ITPR1: variants seen among roughly 807,000 people sequenced by gnomAD.
The protein encoded by ITPR1 is inositol 1,4,5-trisphosphate receptor type 1, also known as inositol 1,4,5-trisphosphate-gated calcium channel ITPR1.
Under a neutral mutation model 318.4 loss-of-function variants are expected in ITPR1, and 96 were observed. That is an observed-to-expected ratio of 0.30 (90% CI 0.26 to 0.36). The LOEUF (loss-of-function observed/expected upper bound fraction) is 0.36, where lower values mean the gene tolerates loss of function less well. Ranked by LOEUF, ITPR1 falls within the 10% of genes least tolerant of loss-of-function variation. ITPR1 has a pLI of 1.00. For synonymous variants in ITPR1, 1,312 were observed against 1,289.9 expected (o/e 1.02, Z -0.37); for missense variants, 2,440 against 3,460.2 (o/e 0.71, Z 7.40).
At chr3:4,768,948 C>T (rs2046004643) in intron 46 of ITPR1, among the ~76,000 whole-genome samples, 184 bp downstream of exon 46, 1 of 149,648 alleles carries the variant, frequency 6.7e-6, no homozygotes. Flanking sequence ...CTCGCTCTGT[C>T]ACCCAGGCTG....
intron 34 of ITPR1, among the ~76,000 whole-genome samples, 197 bp downstream of exon 34, chr3:4,697,469 T>TTTTTTTTTTTTTTTTA (rs1559719610): frequency 1.3e-5 from 2 of 149,102 alleles, no homozygotes; most frequent in Non-Finnish European, 3.0e-5. Context: ...TTTTTTTTTT[T>TTTTTTTTTTTTTTTTA]GAGCTGGAGT....
chr3:4,772,904 G>T (rs1191152075), intron 46 of ITPR1, among the ~76,000 whole-genome samples: 1 of 152,258 alleles, frequency 6.6e-6, no homozygotes, highest in Non-Finnish European at 1.5e-5. Context: ...GGCAGCCATT[G>T]TCTTCATGGG....
At chr3:4,549,936 AG>A (rs2085391759) in intron 4 of ITPR1, among the ~76,000 whole-genome samples, 1 of 152,236 alleles carries the variant, frequency 6.6e-6, no homozygotes, top group Non-Finnish European at 1.5e-5. Flanking sequence ...TGAAAAGCCA[AG>A]GGTGGTTTGT....
chr3:4,501,390 A>G (rs1297570009), intron 2 of ITPR1, among the ~76,000 whole-genome samples: 1 of 152,224 alleles, frequency 6.6e-6, no homozygotes, highest in South Asian at 2.1e-4. Flanking sequence ...GACCAGCGTT[A>G]CTGACATTAA....
At chr3:4,507,126 C>T (rs1186750630) in intron 2 of ITPR1, among the ~76,000 whole-genome samples, 3 of 141,002 alleles carry the variant, frequency 2.1e-5, no homozygotes, top group Non-Finnish European at 4.6e-5. Flanking sequence ...TTGCGAATCA[C>T]TTTGAGGTCT....
At chr3:4,580,678 A>G (rs11717970) in intron 4 of ITPR1, among the ~76,000 whole-genome samples, 27,735 of 152,058 alleles carry the variant, frequency 0.18, 3,140 homozygotes, top group African/African-American at 0.32. Context: ...CCTTACCCCC[A>G]ACCTCTTGCA....
At chr3:4,541,970 A>G (rs957880344) in intron 4 of ITPR1, among the ~76,000 whole-genome samples, 6 of 152,234 alleles carry the variant, frequency 3.9e-5, no homozygotes, top group African/African-American at 7.2e-5. Context: ...TCTTTGCTCC[A>G]TAGGCTGGAC....
At chr3:4,726,341 T>TAAAAA (rs11294154) in intron 41 of ITPR1, among the ~76,000 whole-genome samples, 3,531 of 146,224 alleles carry the variant, frequency 0.024, 155 homozygotes, top group African/African-American at 0.081. Flanking sequence ...ATGATGCAGT[T>TAAAAA]AAAAAAAAAA....
chr3:4,675,290 C>A (rs1159160930), intron 23 of ITPR1, 42 bp downstream of exon 23: 2 of 1,440,738 alleles, frequency 1.4e-6, no homozygotes, highest in Admixed American at 3.9e-5. Flanking sequence ...AGATGCCCTC[C>A]AGCCTTTCCT....
rs1231449972 is a variant in ITPR1 at position 4,768,576 on chromosome 3, A to C, written c.5791A>C (p.Thr1931Pro). 6.2e-7 allele frequency: 1 copy of C among 1,613,936 alleles called. No homozygotes were observed. The highest frequency in any genetic ancestry group is 2.2e-5 in the East Asian group (1 of 44,882). The change falls in exon 46 of 62, where the codon ACC becomes CCC. Residue 1931 changes from threonine (T) to proline (P), a missense_variant. Physicochemically the swap from Thr to Pro is conservative, Grantham distance 38 (BLOSUM62 -1). Transcript: ENST00000649015. ...TCAGCTCCTGGAGGCCTCCGCTGCC[A>C]CCAGGAAAGCCTTCACCACTTTCAG... The part of the protein sequence containing the change: ...RDQLLEASAA[T>P]RKAFTTFRRE...
rs144553363 is a variant in ITPR1, at chr3:4,730,656, C to T, written c.5221-2432C>T. ...CCTGCTTGCTTGATTGCAGACTGAC[C>T]AGGGTCTTGCTGTTCACCCTCAAAA... On this transcript the variant is annotated intron_variant, in intron 42 of 61. Transcript: ENST00000649015. Among the ~76,000 whole-genome samples the T allele has an allele frequency of 3.1e-3, 470 of 151,948 alleles. 2 individuals carry two copies. The highest frequency in any genetic ancestry group is 0.011 in the African/African-American group (453 of 41,410).
rs535335202 is a variant in ITPR1 at position 4,531,602 on chromosome 3, T to A, written c.163+10508T>A. ...AGTCACCACTGCTTACCTCTCAGCC[T>A]TATCTGCAGTAACTCCTCCAGGTTC... On this transcript the variant is annotated intron_variant, in intron 4 of 61. Transcript: ENST00000649015. Among the ~76,000 whole-genome samples the A allele has an allele frequency of 2.6e-5, 4 of 152,306 alleles. No individual in the cohort carries two copies. In the South Asian group the frequency reaches 8.3e-4, roughly 32 times the overall value.
chr3:4,585,856 G>C (rs1019998524), intron 4 of ITPR1, among the ~76,000 whole-genome samples: 1 of 152,056 alleles, frequency 6.6e-6, no homozygotes, highest in Non-Finnish European at 1.5e-5. Flanking sequence ...TGCCATGGTG[G>C]CTTGCTGCAC....
intron 2 of ITPR1, among the ~76,000 whole-genome samples, chr3:4,501,918 G>A (rs1030744443): frequency 6.6e-6 from 1 of 152,160 alleles, no homozygotes; most frequent in Admixed American, 6.5e-5. Flanking sequence ...CAGAACTTCT[G>A]GATGGCTTGA....
intron 56 of ITPR1, 125 bp downstream of exon 56, chr3:4,811,585 G>A (rs2048943775): frequency 1.4e-6 from 1 of 706,584 alleles, no homozygotes; most frequent in Non-Finnish European, 2.3e-6. Flanking sequence ...AACACGCAGA[G>A]TGTGAATTTC....
At chr3:4,538,781 A>G (rs2084118923) in intron 4 of ITPR1, among the ~76,000 whole-genome samples, 1 of 152,200 alleles carries the variant, frequency 6.6e-6, no homozygotes, top group South Asian at 2.1e-4. Flanking sequence ...CAAGAACAGA[A>G]AACCAAACAT....
chr3:4,655,718 T>G (rs1222440715), intron 12 of ITPR1, among the ~76,000 whole-genome samples: 2 of 152,198 alleles, frequency 1.3e-5, no homozygotes, highest in Admixed American at 1.3e-4. Flanking sequence ...GTTTTCGTGC[T>G]TTTTGGCGTC....
At chr3:4,543,395 G>A (rs895318009) in intron 4 of ITPR1, among the ~76,000 whole-genome samples, 7 of 152,192 alleles carry the variant, frequency 4.6e-5, no homozygotes, top group Non-Finnish European at 7.3e-5. Flanking sequence ...TAACATGGAA[G>A]CTCCCAAGAA....
At chr3:4,733,247 G>A (rs369613335) in intron 43 of ITPR1, 27 bp downstream of exon 43, 20 of 1,611,542 alleles carry the variant, frequency 1.2e-5, no homozygotes, top group African/African-American at 1.1e-4. Flanking sequence ...AATTACCTTC[G>A]TGTGTGAATC....
Sources: allele counts gnomAD v4.1 joint callset (sites outside exome capture counted in the v4.1 genomes callset), GRCh38; gene constraint gnomAD v4.1.1; transcripts MANE v1.5; gene names NCBI Gene and HGNC (gene_info 2026-07-23, HGNC 2026-07-21).